RALYL: variants seen among roughly 807,000 people sequenced by gnomAD.
The protein encoded by RALYL is RALY RNA binding protein like.
RALYL carries 29 observed loss-of-function variants against 35.1 expected under a neutral mutation model. That is an observed-to-expected ratio of 0.83 (90% CI 0.61 to 1.13). The LOEUF (loss-of-function observed/expected upper bound fraction) is 1.13, where lower values mean the gene tolerates loss of function less well. Among genes scored for constraint, RALYL ranks in the 50% most tolerant of loss-of-function variants. The pLI, the probability that RALYL is intolerant of heterozygous loss-of-function variation, is 0.00. For missense variants in RALYL, 359 were observed against 360.4 expected, an observed-to-expected ratio of 1.00 and a Z score of 0.03; for synonymous variants, 120 against 127.6, an observed-to-expected ratio of 0.94 and a Z score of 0.40.
chr8:84,497,829 G>T (rs80177981), intron 1 of RALYL, among the ~76,000 whole-genome samples: 132 of 151,806 alleles, frequency 8.7e-4, no homozygotes, highest in Admixed American at 1.6e-3. Flanking sequence ...TTTTAGTAGA[G>T]ACGGGGTTTC....
intron 4 of RALYL, among the ~76,000 whole-genome samples, chr8:84,814,292 A>T (rs567184845): frequency 1.3e-5 from 2 of 152,200 alleles, no homozygotes; most frequent in Non-Finnish European, 2.9e-5. Flanking sequence ...TTTGAGTTAC[A>T]TTATAAAAAG....
chr8:84,507,265 A>G (rs895397018), intron 1 of RALYL, among the ~76,000 whole-genome samples: 5 of 152,154 alleles, frequency 3.3e-5, no homozygotes, highest in Admixed American at 6.6e-5. Flanking sequence ...TATTGACTGC[A>G]GGTACACAGA....
chr8:84,836,695 C>T (rs918260001), intron 4 of RALYL, among the ~76,000 whole-genome samples: 12 of 152,108 alleles, frequency 7.9e-5, no homozygotes, highest in African/African-American at 2.9e-4. Context: ...ACTCTGACAG[C>T]TAGAAACCTA....
rs767598235 is a variant in RALYL, at chr8:84,887,589, TTC to T, written c.686-12_686-11del. On this transcript the variant is annotated splice_polypyrimidine_tract_variant and intron_variant, in intron 7 of 8. Transcript: ENST00000521268. The stretch of plus-strand genomic sequence containing the variant: ...CAACCCAAGGTAGTAGTCATTTGCT[TTC>T]TCCCCCCCCCAGAAGCTCAGAAGAA... 6.4e-7 allele frequency: 1 copy of T among 1,560,072 alleles called. No individual in the cohort carries two copies. The highest frequency in any genetic ancestry group is 8.6e-7 in the Non-Finnish European group (1 of 1,166,258).
At chr8:84,552,761 A>G (rs1272501059) in intron 2 of RALYL, among the ~76,000 whole-genome samples, 1 of 151,700 alleles carries the variant, frequency 6.6e-6, no homozygotes, top group Non-Finnish European at 1.5e-5. Context: ...TTGCAACTTC[A>G]TATAATGAAG....
intron 1 of RALYL, among the ~76,000 whole-genome samples, chr8:84,202,836 T>C (rs1240374316): frequency 6.6e-6 from 1 of 152,208 alleles, no homozygotes; most frequent in Non-Finnish European, 1.5e-5. Flanking sequence ...ATTTTTTCAT[T>C]AAATTTAAAA....
intron 1 of RALYL, among the ~76,000 whole-genome samples, chr8:84,341,091 G>A (rs760642278): frequency 6.7e-6 from 1 of 148,536 alleles, no homozygotes; most frequent in East Asian, 2.0e-4. Context: ...TCATATGCTT[G>A]TTGACCATTT....
chr8:84,596,573 G>A (rs2130656801), intron 2 of RALYL, among the ~76,000 whole-genome samples: 1 of 152,230 alleles, frequency 6.6e-6, no homozygotes, highest in African/African-American at 2.4e-5. Context: ...CTGTTTGATT[G>A]CTTCTGGTTC....
rs1849263436 is a variant in RALYL, at chr8:84,921,097, A to G, written c.*186A>G. On this transcript the variant is annotated 3_prime_UTR_variant, in exon 9 of 9. Transcript: ENST00000521268. The stretch of plus-strand genomic sequence containing the variant: ...ATTTCTTCTATGTTTTAAGCTGTAC[A>G]ATTGTCAGGTTTTTATGGTTTAAAT... 1 of 401,652 alleles carries G rather than the reference A, an allele frequency of 2.5e-6. No individual in the cohort carries two copies. Among genetic ancestry groups the G allele is most frequent in the Non-Finnish European group, 4.6e-6 (1 of 219,320 alleles). 24.9% of individuals were successfully genotyped at this position (401,652 alleles called of 1,614,324 possible).
intron 2 of RALYL, among the ~76,000 whole-genome samples, chr8:84,710,974 T>C (rs1842085466): frequency 6.6e-6 from 1 of 152,100 alleles, no homozygotes; most frequent in African/African-American, 2.4e-5. Flanking sequence ...AATGGAGTTT[T>C]GGAATGTGGA....
intron 1 of RALYL, among the ~76,000 whole-genome samples, chr8:84,287,168 G>C (rs745376785): frequency 1.4e-4 from 22 of 152,030 alleles, no homozygotes; most frequent in Non-Finnish European, 2.6e-4. Flanking sequence ...TGGGAGTAGG[G>C]GTCAGGGAGT....
At chr8:84,253,184 T>G (rs1021173150) in intron 1 of RALYL, among the ~76,000 whole-genome samples, 42 of 116,888 alleles carry the variant, frequency 3.6e-4, no homozygotes, top group African/African-American at 1.1e-3. Context: ...CAGTTTTTTT[T>G]TTTTTTTTTT....
At chr8:84,915,397 C>A (rs775357379) in intron 8 of RALYL, among the ~76,000 whole-genome samples, 5 of 151,998 alleles carry the variant, frequency 3.3e-5, no homozygotes, top group Admixed American at 1.3e-4. Flanking sequence ...AGCTCAAAAC[C>A]CCCTGACACT....
At chr8:84,687,958 T>C (rs116123425) in intron 2 of RALYL, among the ~76,000 whole-genome samples, 61 of 152,212 alleles carry the variant, frequency 4.0e-4, no homozygotes, top group African/African-American at 1.4e-3. Context: ...AGAAATAATA[T>C]GAGAAAGATA....
intron 1 of RALYL, among the ~76,000 whole-genome samples, chr8:84,485,903 T>C (rs927833969): frequency 7.2e-5 from 11 of 152,034 alleles, no homozygotes; most frequent in Non-Finnish European, 1.6e-4. Flanking sequence ...TCTACTGTTG[T>C]TCTCCCACAA....
intron 3 of RALYL, among the ~76,000 whole-genome samples, chr8:84,778,187 G>A (rs1174982905): frequency 6.6e-6 from 1 of 152,128 alleles, no homozygotes; most frequent in East Asian, 1.9e-4. Context: ...AAACTGCTAT[G>A]TCTCTATAAC....
chr8:84,844,916 G>C (rs370149504), intron 4 of RALYL, among the ~76,000 whole-genome samples: 7 of 151,670 alleles, frequency 4.6e-5, no homozygotes, highest in Non-Finnish European at 8.8e-5. Flanking sequence ...GGAATTGAAC[G>C]ATGAGAACAC....
intron 2 of RALYL, among the ~76,000 whole-genome samples, chr8:84,753,028 C>A (rs183299818): frequency 6.6e-6 from 1 of 152,164 alleles, no homozygotes; most frequent in Non-Finnish European, 1.5e-5. Flanking sequence ...GCCTGGAAAA[C>A]CCATGGGCAC....
intron 1 of RALYL, among the ~76,000 whole-genome samples, chr8:84,500,960 C>T (rs1188275066): frequency 6.6e-6 from 1 of 152,090 alleles, no homozygotes; most frequent in African/African-American, 2.4e-5. Context: ...TGATATAAAA[C>T]AATAATCTTC....
Sources: allele counts gnomAD v4.1 joint callset (sites outside exome capture counted in the v4.1 genomes callset), GRCh38; gene constraint gnomAD v4.1.1; transcripts MANE v1.5; gene names NCBI Gene and HGNC (gene_info 2026-07-23, HGNC 2026-07-21).